The following GNPTAB variants were observed in gnomAD, a reference collection of about 807,000 sequenced individuals.
GNPTAB encodes N-acetylglucosamine-1-phosphate transferase subunits alpha and beta.
Under a neutral mutation model 136.6 loss-of-function variants are expected in GNPTAB, and 92 were observed. The observed-to-expected ratio is 0.67, with a 90% CI of 0.57 to 0.80. GNPTAB has a LOEUF of 0.80. Among genes scored for constraint, GNPTAB ranks in the 30% least tolerant of loss-of-function variants. The pLI, the probability that GNPTAB is intolerant of heterozygous loss-of-function variation, is 0.00. For synonymous variants in GNPTAB, 512 were observed against 535.1 expected, an observed-to-expected ratio of 0.96 and a Z score of 0.60; for missense variants, 1,343 against 1,501.8, an observed-to-expected ratio of 0.89 and a Z score of 1.75.
Position 101,764,979 on chromosome 12 carries a change from C to T in GNPTAB, c.1938G>A (p.Gln646=). Residue 646 remains glutamine, a synonymous_variant, in exon 13 of 21, where the codon CAG becomes CAA. Coordinates refer to ENST00000299314, the MANE Select transcript of GNPTAB (RefSeq NM_024312.5). ...REGPKLNSTA[Q]KGYENLVSPI... is the part of the protein sequence containing the mutation. ...GACTAACTAAATTTTCGTAACCCTT[C>T]TGGGCTGTAGAATTCAGTTTTGGTC... 1.2e-6 allele frequency: 2 copies of T among 1,614,086 alleles called. No homozygotes were observed. Among genetic ancestry groups the T allele is most frequent in the Non-Finnish European group, 1.7e-6 (2 of 1,179,986 alleles).
intron 1 of GNPTAB, among the ~76,000 whole-genome samples, chr12:101,822,416 A>G (rs551604078): frequency 1.1e-4 from 16 of 152,340 alleles, no homozygotes; most frequent in South Asian, 2.1e-4. Flanking sequence ...CGTCTCAAAA[A>G]AAAGAAAGAA....
chr12:101,808,417 C>T (rs941928429), intron 1 of GNPTAB, among the ~76,000 whole-genome samples: 2 of 151,180 alleles, frequency 1.3e-5, no homozygotes, highest in African/African-American at 4.9e-5. Context: ...CGGCATGCAC[C>T]TGTGGACCCA....
chr12:101,764,872 TCA>T lies in GNPTAB; in HGVS notation c.2043_2044del (p.His681GlnfsTer3). 1 of 1,614,192 alleles carries T rather than the reference TCA, an allele frequency of 6.2e-7. No individual in the cohort carries two copies. The highest frequency in any genetic ancestry group is 8.5e-7 in the Non-Finnish European group (1 of 1,180,036). ...CTGGGCTCTCCTTGTTGAGTTAACA[TCA>T]TGTCTCTTAAACTTCGGGAAGCGTT... On this transcript the variant is annotated frameshift_variant, in exon 13 of 21. Coordinates refer to ENST00000299314, the MANE Select transcript of GNPTAB (RefSeq NM_024312.5). LOFTEE classifies it high-confidence loss of function.
intron 7 of GNPTAB, chr12:101,773,110 C>A: frequency 4.2e-6 from 1 of 239,914 alleles, no homozygotes; most frequent in Non-Finnish European, 8.4e-6. Context: ...CAGGCCTGAC[C>A]TCCATCTCCC....
At chr12:101,824,437 CTTTTTTTTTTTT>C (rs757768467) in intron 1 of GNPTAB, among the ~76,000 whole-genome samples, 3 of 47,016 alleles carry the variant, frequency 6.4e-5, no homozygotes, top group Non-Finnish European at 1.0e-4. Context: ...TATATATTTT[CTTTTTTTTTTTT>C]TTTTTTTTGG....
rs112400099 is a variant in GNPTAB, at chr12:101,751,246, G to A, written c.3603-2055C>T. ...GGAATGCTCTTTCTTACATGGAAGT[G>A]TCATTTTCATAATTCAAAATCAAGT... On this transcript the variant is annotated intron_variant, in intron 19 of 20. Transcript: ENST00000299314. Among the ~76,000 whole-genome samples the A allele has an allele frequency of 6.0e-3, 916 of 152,336 alleles. 7 individuals are homozygous for A. The highest frequency in any genetic ancestry group is 0.021 in the African/African-American group (875 of 41,564).
At chr12:101,773,611 T>C (rs1953215613) in intron 7 of GNPTAB, 1 of 153,712 alleles carries the variant, frequency 6.5e-6, no homozygotes, top group South Asian at 1.9e-4. Flanking sequence ...TAATTATATA[T>C]GCATAAAAGA....
intron 1 of GNPTAB, among the ~76,000 whole-genome samples, chr12:101,800,604 C>CAAAAAAAAAAAAAAA (rs58129963): frequency 2.7e-5 from 2 of 74,284 alleles, no homozygotes; most frequent in African/African-American, 5.3e-5. Context: ...ACTAAAAATA[C>CAAAAAAAAAAAAAAA]AAAAAAAAAA....
At chr12:101,821,189 G>A (rs1379842197) in intron 1 of GNPTAB, among the ~76,000 whole-genome samples, 1 of 152,134 alleles carries the variant, frequency 6.6e-6, no homozygotes, top group Non-Finnish European at 1.5e-5. Context: ...GTAATGAAGT[G>A]GCAGTTAATG....
intron 1 of GNPTAB, among the ~76,000 whole-genome samples, chr12:101,829,447 T>G (rs1268079374): frequency 1.3e-5 from 2 of 152,176 alleles, no homozygotes; most frequent in Non-Finnish European, 2.9e-5. Flanking sequence ...ATGGAGCCAC[T>G]GCATTCCAGC....
chr12:101,790,645 T>C (rs1041930439), intron 2 of GNPTAB, among the ~76,000 whole-genome samples: 11 of 151,236 alleles, frequency 7.3e-5, no homozygotes, highest in African/African-American at 1.7e-4. Flanking sequence ...TGTGCATCTG[T>C]AGTCCCAGCT....
At chr12:101,826,966 T>TG (rs1019853519) in intron 1 of GNPTAB, among the ~76,000 whole-genome samples, 37 of 138,378 alleles carry the variant, frequency 2.7e-4, no homozygotes, top group Middle Eastern at 3.6e-3. Flanking sequence ...TTTTTTTTTT[T>TG]TTTTTTTTTT....
intron 18 of GNPTAB, among the ~76,000 whole-genome samples, chr12:101,754,350 C>T (rs1250746418): frequency 1.3e-5 from 2 of 151,670 alleles, no homozygotes; most frequent in Non-Finnish European, 2.9e-5. Flanking sequence ...TTGCTGAACT[C>T]GGGAGGCAGA....
chr12:101,761,428 T>C, intron 14 of GNPTAB, 82 bp from the exon 15 acceptor site: 3 of 1,470,920 alleles, frequency 2.0e-6, no homozygotes, highest in Non-Finnish European at 9.5e-7. Flanking sequence ...GACTTTTTTC[T>C]TTCTCACTTA....
rs1268597077 is a variant in GNPTAB at position 101,830,873 on chromosome 12, G to A, written c.-198C>T. ...CGGCCGCCGCTTCCGGGAGCCGGGA[G>A]CCCACGCCCTCGGCGCGGCGGAGGC... is the stretch of plus-strand genomic sequence containing the variant. On this transcript the variant is annotated 5_prime_UTR_variant, in exon 1 of 21. Coordinates refer to ENST00000299314, the MANE Select transcript of GNPTAB (RefSeq NM_024312.5). 1 of 151,182 alleles carries A rather than the reference G, an allele frequency of 6.6e-6. No homozygotes were observed. Among genetic ancestry groups the A allele is most frequent in the Non-Finnish European group, 1.5e-5 (1 of 68,376 alleles). The allele number at this position is 151,182 out of a possible 1,614,324, so 9.4% of individuals were successfully genotyped here.
chr12:101,783,012 C>T (rs1451009174), intron 5 of GNPTAB, among the ~76,000 whole-genome samples: 1 of 151,820 alleles, frequency 6.6e-6, no homozygotes, highest in Admixed American at 6.6e-5. Context: ...CTGCCCTGGC[C>T]GACACTTCCT....
intron 1 of GNPTAB, among the ~76,000 whole-genome samples, chr12:101,810,997 G>A (rs1870200474): frequency 6.6e-6 from 1 of 152,204 alleles, no homozygotes; most frequent in Non-Finnish European, 1.5e-5. Context: ...CTACACCTCA[G>A]AAGGGTTTGC....
chr12:101,786,401 G>A (rs1868651191), intron 4 of GNPTAB, among the ~76,000 whole-genome samples, 184 bp from the exon 5 acceptor site: 1 of 152,128 alleles, frequency 6.6e-6, no homozygotes, highest in African/African-American at 2.4e-5. Context: ...ATATAAAATT[G>A]TTAAACCCAA....
chr12:101,745,682 A>G lies in GNPTAB; in HGVS notation c.*1482T>C, dbSNP rs1952722813. 1 of 152,208 alleles carries G rather than the reference A, an allele frequency of 6.6e-6. No homozygotes were observed. Among genetic ancestry groups the G allele is most frequent in the Non-Finnish European group, 1.5e-5 (1 of 68,034 alleles). 9.4% of individuals were successfully genotyped at this position (152,208 alleles called of 1,614,324 possible). A position where few individuals can be genotyped will look rare whatever the true frequency, so the allele number is the denominator to read the frequency against. ...TACTCATGGAATCTGCTCTTCACAAATCCATTGTATTATGACATAAAATAT... is the reference window on the plus strand; with the variant it reads ...TACTCATGGAATCTGCTCTTCACAAGTCCATTGTATTATGACATAAAATAT... On this transcript the variant is annotated 3_prime_UTR_variant, in exon 21 of 21. Coordinates refer to ENST00000299314, the MANE Select transcript of GNPTAB (RefSeq NM_024312.5).
Sources: allele counts gnomAD v4.1 joint callset (sites outside exome capture counted in the v4.1 genomes callset), GRCh38; gene constraint gnomAD v4.1.1; transcripts MANE v1.5; gene names NCBI Gene and HGNC (gene_info 2026-07-23, HGNC 2026-07-21).